Variants in NRG1 observed in about 807,000 individuals in gnomAD.
NRG1 encodes the protein neuregulin 1, also known as pro-neuregulin-1, membrane-bound isoform.
In NRG1, 18 loss-of-function variants were observed where a neutral mutation model predicts 63.8. The ratio of observed to expected loss-of-function variants is 0.28; its 90% CI spans 0.19 to 0.42. NRG1 has a LOEUF of 0.42. NRG1 is among the 10% of genes least tolerant of loss of function. The probability of loss-of-function intolerance (pLI) is 1.00; values close to 1 mark genes in which losing one functional copy is unlikely to be tolerated. For synonymous variants in NRG1, 302 were observed against 301.3 expected (o/e 1.00, Z -0.02); for missense variants, 762 against 814.7 (o/e 0.94, Z 0.79).
In NRG1 at chr8:32,754,363, C is replaced by A. The variant is rs761540791; in HGVS notation, c.692-9C>A. 1.2e-6 allele frequency: 2 copies of A among 1,612,936 alleles called. No homozygotes were observed. Among genetic ancestry groups the A allele is most frequent in the Non-Finnish European group, 1.7e-6 (2 of 1,179,428 alleles). On this transcript the variant is annotated splice_polypyrimidine_tract_variant and intron_variant, in intron 7 of 11. Transcript: ENST00000356819. ...ACCTGTGATGACATCTGCTCTCATC[C>A]CTTTCCAGAGGCGGAGGAGCTGTAC...
intron 1 of NRG1, among the ~76,000 whole-genome samples, chr8:32,362,943 G>T (rs559523506): frequency 6.6e-6 from 1 of 152,134 alleles, no homozygotes; most frequent in Non-Finnish European, 1.5e-5. Context: ...TCTGATCACA[G>T]CAGAGGGGCC....
chr8:32,773,498 C>T (rs1831926423), intron 7 of NRG1, among the ~76,000 whole-genome samples: 1 of 152,180 alleles, frequency 6.6e-6, no homozygotes, highest in African/African-American at 2.4e-5. Flanking sequence ...CCACATTTCA[C>T]CCACTGATCA....
At chr8:31,862,815 A>T (rs1828590190) in intron 1 of NRG1, among the ~76,000 whole-genome samples, 1 of 152,214 alleles carries the variant, frequency 6.6e-6, no homozygotes, top group African/African-American at 2.4e-5. Flanking sequence ...GGCAAGGGAA[A>T]AACAGAAAAA....
intron 1 of NRG1, among the ~76,000 whole-genome samples, chr8:31,891,680 T>C (rs1831156689): frequency 1.3e-5 from 2 of 152,184 alleles, no homozygotes; most frequent in African/African-American, 4.8e-5. Context: ...TAGAAACCTG[T>C]ACGCTAATGT....
intron 1 of NRG1, chr8:31,639,709 C>G: frequency 7.2e-7 from 1 of 1,384,168 alleles, no homozygotes; most frequent in South Asian, 1.7e-5. Context: ...CTCCCTGTAA[C>G]TGAGGCGGCG....
At chr8:32,485,067 C>G (rs1201204824) in intron 1 of NRG1, among the ~76,000 whole-genome samples, 6 of 152,110 alleles carry the variant, frequency 3.9e-5, no homozygotes, top group Non-Finnish European at 7.3e-5. Context: ...GCTTCTCTAC[C>G]TGTTACTTCC....
intron 1 of NRG1, among the ~76,000 whole-genome samples, chr8:31,768,743 A>T (rs1469190703): frequency 6.6e-6 from 1 of 152,158 alleles, no homozygotes; most frequent in Non-Finnish European, 1.5e-5. Flanking sequence ...TAGAGACTTG[A>T]TGTTCCTAAC....
intron 1 of NRG1, among the ~76,000 whole-genome samples, chr8:32,062,373 A>T (rs966167529): frequency 2.0e-5 from 3 of 151,150 alleles, no homozygotes; most frequent in African/African-American, 4.9e-5. Context: ...AAGTATATTA[A>T]ATTTTTTTTC....
intron 6 of NRG1, among the ~76,000 whole-genome samples, chr8:32,734,139 C>G (rs2129026459): frequency 6.6e-6 from 1 of 152,268 alleles, no homozygotes; most frequent in South Asian, 2.1e-4. Flanking sequence ...GTCTTCCTTA[C>G]AGGCTAGAAG....
intron 1 of NRG1, among the ~76,000 whole-genome samples, chr8:32,091,499 C>T (rs1236727524): frequency 6.6e-6 from 1 of 152,132 alleles, no homozygotes; most frequent in African/African-American, 2.4e-5. Context: ...TCATCCAAAT[C>T]ACAGTAAAGG....
At chr8:32,568,189 T>A (rs1837825961) in intron 1 of NRG1, among the ~76,000 whole-genome samples, 1 of 152,238 alleles carries the variant, frequency 6.6e-6, no homozygotes, top group African/African-American at 2.4e-5. Context: ...GAGCTCATTC[T>A]CTCTTGACAG....
chr8:32,420,991 G>A (rs1004299909), intron 1 of NRG1, among the ~76,000 whole-genome samples: 1 of 152,166 alleles, frequency 6.6e-6, no homozygotes, highest in African/African-American at 2.4e-5. Flanking sequence ...TGAAGAGGGT[G>A]CCTGCTTCTC....
chr8:32,500,959 T>A (rs1827783593), intron 1 of NRG1, among the ~76,000 whole-genome samples: 1 of 152,216 alleles, frequency 6.6e-6, no homozygotes, highest in South Asian at 2.1e-4. Context: ...AAATCCTTAC[T>A]GTGTCCAGTG....
chr8:32,136,103 C>T (rs1474277888), intron 1 of NRG1, among the ~76,000 whole-genome samples: 3 of 152,128 alleles, frequency 2.0e-5, no homozygotes, highest in African/African-American at 4.8e-5. Flanking sequence ...GTCACTAACT[C>T]TCTTGGTTCA....
intron 1 of NRG1, among the ~76,000 whole-genome samples, chr8:32,234,606 C>T (rs900028198): frequency 1.3e-5 from 2 of 152,032 alleles, no homozygotes; most frequent in Non-Finnish European, 2.9e-5. Context: ...AGTTGAAATC[C>T]ACAAAAGGAA....
intron 1 of NRG1, among the ~76,000 whole-genome samples, chr8:31,849,765 G>T (rs1204318602): frequency 6.6e-6 from 1 of 152,138 alleles, no homozygotes; most frequent in African/African-American, 2.4e-5. Context: ...CCAATTCTTT[G>T]TTTAGTAGCA....
chr8:32,693,733 G>A (rs914654696), intron 5 of NRG1, among the ~76,000 whole-genome samples: 7 of 152,064 alleles, frequency 4.6e-5, no homozygotes, highest in African/African-American at 7.2e-5. Flanking sequence ...GTACTTTAAT[G>A]TGTATATTAG....
At chr8:32,627,194 T>C (rs1025289627) in intron 5 of NRG1, among the ~76,000 whole-genome samples, 5 of 152,154 alleles carry the variant, frequency 3.3e-5, no homozygotes, top group Non-Finnish European at 5.9e-5. Flanking sequence ...TAAAAGATGA[T>C]GACATTCTAT....
intron 1 of NRG1, among the ~76,000 whole-genome samples, chr8:32,186,460 C>CAAAA (rs748750103): frequency 1.9e-5 from 1 of 52,222 alleles, no homozygotes. Flanking sequence ...GACTCCGTCT[C>CAAAA]AAAAAAAAAA....
Sources: allele counts gnomAD v4.1 joint callset (sites outside exome capture counted in the v4.1 genomes callset), GRCh38; gene constraint gnomAD v4.1.1; transcripts MANE v1.5; gene names NCBI Gene and HGNC (gene_info 2026-07-23, HGNC 2026-07-21).